The following PRDX1 variants were observed in gnomAD, a reference collection of about 807,000 sequenced individuals.
PRDX1 encodes peroxiredoxin 1.
A neutral mutation model predicts 20.7 loss-of-function variants in PRDX1; 19 were observed. The observed-to-expected ratio is 0.92, with a 90% CI of 0.64 to 1.35. The LOEUF is 1.35. Ranked by LOEUF, PRDX1 falls within the 40% of genes most tolerant of loss-of-function variation. The pLI is 0.00. For synonymous variants in PRDX1, 89 were observed against 83.9 expected (o/e 1.06, Z -0.33); for missense variants, 226 against 240.0 (o/e 0.94, Z 0.38).
At position 45,518,931 on chromosome 1, in the gene PRDX1, CTCTCACCTTTGTAG is replaced by C. The variant is rs1357980012; in HGVS notation, c.99_106+6del. The C allele has an allele frequency of 2.5e-6, 4 of 1,574,990 alleles. No individual in the cohort carries two copies. In the African/African-American group the frequency reaches 5.4e-5, roughly 21 times the overall value. ...CATCTCAATGAGCCCAGTGTTAATT[CTCTCACCTTTGTAG>C]TCAGACAGGCTGATATCTTTAAACT... is the stretch of plus-strand genomic sequence containing the variant. On this transcript the variant is annotated splice_donor_variant and splice_donor_5th_base_variant and coding_sequence_variant and intron_variant, in exon 2 of 6. Coordinates refer to ENST00000319248, the MANE Select transcript of PRDX1 (RefSeq NM_181697.3). LOFTEE classifies it high-confidence loss of function.
At chr1:45,515,927 C>A in intron 2 of PRDX1, 120 bp from the exon 3 acceptor site, 1 of 992,858 alleles carries the variant, frequency 1.0e-6, no homozygotes, top group Non-Finnish European at 1.4e-6. Flanking sequence ...CCAAGATGCT[C>A]AATACAGATG....
At chr1:45,520,054 A>T (rs954674566) in intron 1 of PRDX1, among the ~76,000 whole-genome samples, 2 of 151,910 alleles carry the variant, frequency 1.3e-5, no homozygotes, top group African/African-American at 4.8e-5. Context: ...GAAACACAAA[A>T]ATTAGTCGGG....
At chr1:45,522,768 TCTCA>T (rs1381386386), upstream of PRDX1, 4 of 151,826 alleles carry the variant, frequency 2.6e-5, no homozygotes, top group Non-Finnish European at 5.9e-5. Flanking sequence ...TGAGACGGAG[TCTCA>T]CTCACCCTGT....
upstream of PRDX1, chr1:45,522,059 C>T (rs1355073771): frequency 1.3e-5 from 2 of 152,308 alleles, no homozygotes; most frequent in East Asian, 3.9e-4. Context: ...CGGAAAAATA[C>T]TAATACCCCA....
chr1:45,519,109 A>C, intron 1 of PRDX1, 55 bp from the exon 2 acceptor site: 4 of 1,242,834 alleles, frequency 3.2e-6, no homozygotes, highest in Non-Finnish European at 4.6e-6. Flanking sequence ...CATAACCAGC[A>C]GCCTTCACCT....
chr1:45,519,381 CAGAG>C (rs796527720), intron 1 of PRDX1, among the ~76,000 whole-genome samples: 1 of 152,200 alleles, frequency 6.6e-6, no homozygotes, highest in Non-Finnish European at 1.5e-5. Context: ...TATACAGAAG[CAGAG>C]AGAGAGGCAG....
chr1:45,519,180 ATGT>A lies in PRDX1; in HGVS notation c.-11-129_-11-127del, dbSNP rs3082814. 0.22 allele frequency: 134,647 copies of A among 611,694 alleles called. 15,510 individuals are homozygous for A. The highest frequency in any genetic ancestry group is 0.3 in the Admixed American group (7,187 of 24,226). The allele number at this position is 611,694 out of a possible 1,614,324, so 37.9% of individuals were successfully genotyped here. A position where few individuals can be genotyped will look rare whatever the true frequency, so the allele number is the denominator to read the frequency against. On this transcript the variant is annotated intron_variant, in intron 1 of 5. Coordinates refer to ENST00000319248, the MANE Select transcript of PRDX1 (RefSeq NM_181697.3). ...TGTCCAGTGTCCCTGAATACATTAA[ATGT>A]TGTTTTAGTAAGAAGCTCCAGCCAG... is the stretch of plus-strand genomic sequence containing the variant.
rs187360963 is a variant in PRDX1, at chr1:45,514,484, C to G, written c.514+23G>C. ...CCCTTCATACCACCACTCTGTTGTCCTGTTATCAGACAGATGGCTTACCTT... is the reference window on the plus strand; with the variant it reads ...CCCTTCATACCACCACTCTGTTGTCGTGTTATCAGACAGATGGCTTACCTT... On this transcript the variant is annotated intron_variant, in intron 5 of 5. Coordinates refer to ENST00000319248, the MANE Select transcript of PRDX1 (RefSeq NM_181697.3). 1.5e-5 allele frequency: 25 copies of G among 1,613,832 alleles called. No individual in the cohort carries two copies. In the Admixed American group the frequency reaches 4.2e-4, roughly 27 times the overall value.
Position 45,514,916 on chromosome 1 carries a change from G to C in PRDX1, c.340C>G (p.Gln114Glu), listed in dbSNP as rs777372127. The C allele has an allele frequency of 1.2e-6, 2 of 1,614,170 alleles. No individual in the cohort carries two copies. Among genetic ancestry groups the C allele is most frequent in the East Asian group, 2.2e-5 (1 of 44,874 alleles). Residue 114 changes from glutamine to glutamate, a missense_variant, in exon 4 of 6, where the codon CAG becomes GAG. Transcript: ENST00000319248. ...LVSDPKRTIAQDYGVLKADEG... is the reference protein window; with the variant it reads ...LVSDPKRTIAEDYGVLKADEG... ...TCAGCCTTTAAGACCCCATAATCCT[G>C]AGCAATGGTGCGCTTCGGGTCTGAT...
chr1:45,518,955 C>T lies in PRDX1; in HGVS notation c.89G>A (p.Ser30Asn). The T allele has an allele frequency of 1.2e-6, 2 of 1,603,794 alleles. No individual in the cohort carries two copies. The highest frequency in any genetic ancestry group is 1.1e-5 in the South Asian group (1 of 88,948). ...TCTCTCACCTTTGTAGTCAGACAGG[C>T]TGATATCTTTAAACTGACCATCTGG... Reference protein sequence around the residue: ...VMPDGQFKDISLSDYKGKYVV... With the variant: ...VMPDGQFKDINLSDYKGKYVV... Residue 30 changes from serine (S) to asparagine (N), a missense_variant, in exon 2 of 6, where the codon AGC (serine) becomes AAC (asparagine). By Grantham distance (46) the Ser-to-Asn change is conservative. Coordinates refer to ENST00000319248, the MANE Select transcript of PRDX1 (RefSeq NM_181697.3).
intron 2 of PRDX1, among the ~76,000 whole-genome samples, chr1:45,517,241 G>A (rs1278822167): frequency 6.6e-6 from 1 of 152,102 alleles, no homozygotes; most frequent in Non-Finnish European, 1.5e-5. Flanking sequence ...AACTTACCTT[G>A]TTTGCTGGGA....
intron 5 of PRDX1, 148 bp downstream of exon 5, chr1:45,514,359 G>A (rs1442036333): frequency 2.0e-6 from 2 of 985,202 alleles, no homozygotes; most frequent in African/African-American, 1.6e-5. Context: ...GGTCCCCTGG[G>A]CCCCCTTATT....
At chr1:45,518,188 C>G (rs1485165879) in intron 2 of PRDX1, among the ~76,000 whole-genome samples, 1 of 151,710 alleles carries the variant, frequency 6.6e-6, no homozygotes, top group South Asian at 2.1e-4. Context: ...TTAAGCCAGG[C>G]GTGGTGGCTC....
At position 45,511,476 on chromosome 1, in the gene PRDX1, A is replaced by G. The variant is rs1053245508; in HGVS notation, c.515-62T>C. The G allele has an allele frequency of 2.8e-6, 4 of 1,415,128 alleles. No individual in the cohort carries two copies. The African/African-American group carries it at 4.3e-5, about 15-fold the overall frequency. The allele number at this position is 1,415,128 out of a possible 1,614,324, so 87.7% of individuals were successfully genotyped here. A position where few individuals can be genotyped will look rare whatever the true frequency, so the allele number is the denominator to read the frequency against. On this transcript the variant is annotated intron_variant, in intron 5 of 5. Coordinates refer to ENST00000319248, the MANE Select transcript of PRDX1 (RefSeq NM_181697.3). ...CAATGGTATGCACCACCATTCTCCT[A>G]TGGACAAAACCAGTTCTGCACCTGA...
chr1:45,517,826 T>C (rs569347319), intron 2 of PRDX1, among the ~76,000 whole-genome samples: 13 of 50,570 alleles, frequency 2.6e-4, no homozygotes, highest in African/African-American at 6.9e-4. Context: ...GAAAGGAGAG[T>C]TGTTCCATCT....
intron 5 of PRDX1, chr1:45,511,654 T>A (rs1643748014): frequency 2.7e-6 from 1 of 367,068 alleles, no homozygotes; most frequent in Admixed American, 4.6e-5. Flanking sequence ...AAATTTAAAT[T>A]TTCCACAAAA....
chr1:45,515,429 C>G (rs1292305768), intron 3 of PRDX1, among the ~76,000 whole-genome samples: 1 of 151,814 alleles, frequency 6.6e-6, no homozygotes, highest in African/African-American at 2.4e-5. Flanking sequence ...GAAACACCGT[C>G]TCTACTGAAA....
rs777940810 is a variant in PRDX1 at position 45,515,705 on chromosome 1, T to G, written c.209A>C (p.Asn70Thr). 6.2e-7 allele frequency: 1 copy of G among 1,607,246 alleles called. No homozygotes were observed. The highest frequency in any genetic ancestry group is 8.5e-7 in the Non-Finnish European group (1 of 1,177,982). Residue 70 changes from asparagine to threonine, a missense_variant, in exon 3 of 6, where the codon AAC becomes ACC. Asn to Thr is a moderately conservative substitution (Grantham distance 65). Transcript: ENST00000319248. Reference sequence around the variant, plus strand: ...CACAGAAGCACCAATCACTTGGCAGTTGAGTTTCTTAAATTCTTCTGCCCT... The same window carrying G: ...CACAGAAGCACCAATCACTTGGCAGGTGAGTTTCTTAAATTCTTCTGCCCT... ...SDRAEEFKKL[N>T]CQVIGASVDS... is the part of the protein sequence containing the mutation.
At chr1:45,519,165 C>A in intron 1 of PRDX1, 111 bp from the exon 2 acceptor site, 1 of 678,058 alleles carries the variant, frequency 1.5e-6, no homozygotes, top group Non-Finnish European at 2.4e-6. Flanking sequence ...TGTCCAGTGT[C>A]CCTGAATACA....
Sources: allele counts gnomAD v4.1 joint callset (sites outside exome capture counted in the v4.1 genomes callset), GRCh38; gene constraint gnomAD v4.1.1; transcripts MANE v1.5; gene names NCBI Gene and HGNC (gene_info 2026-07-23, HGNC 2026-07-21).